MGAT4D: variants seen among roughly 807,000 people sequenced by gnomAD.
MGAT4D encodes the protein MGAT4 family member D, also known as alpha-1,3-mannosyl-glycoprotein 4-beta-N-acetylglucosaminyltransferase-like protein MGAT4D.
In MGAT4D, 34 loss-of-function variants were observed where a neutral mutation model predicts 15.9. The ratio of observed to expected loss-of-function variants is 2.14; its 90% CI spans 1.62 to 2.84. MGAT4D has a LOEUF of 2.84. MGAT4D is among the 30% of genes most tolerant of loss of function. The pLI is 0.00. For missense variants in MGAT4D, 327 were observed against 140.2 expected, an observed-to-expected ratio of 2.33 and a Z score of -6.73; for synonymous variants, 112 against 48.2, an observed-to-expected ratio of 2.33 and a Z score of -5.49.
chr4:140,492,521 AG>A (rs1354364360), intron 1 of MGAT4D, among the ~76,000 whole-genome samples: 1 of 152,016 alleles, frequency 6.6e-6, no homozygotes. Flanking sequence ...CCAGCTACTC[AG>A]GAGGCTGAGG....
At chr4:140,478,394 T>C (rs1732479287) in intron 3 of MGAT4D, among the ~76,000 whole-genome samples, 1 of 152,194 alleles carries the variant, frequency 6.6e-6, no homozygotes, top group South Asian at 2.1e-4. Context: ...CTATGCATTG[T>C]TTTTCTTGCG....
intron 8 of MGAT4D, chr4:140,457,644 T>A (rs1017312633): frequency 2.0e-5 from 3 of 152,168 alleles, no homozygotes; most frequent in African/African-American, 7.2e-5. Flanking sequence ...CTTTTGTAAG[T>A]TAAAACTTGA....
chr4:140,446,743 GTTTTTTTTTTTTTTTTTTTT>G (rs149442061), intron 10 of MGAT4D, among the ~76,000 whole-genome samples: 6 of 8,150 alleles, frequency 7.4e-4, no homozygotes, highest in Non-Finnish European at 9.0e-4. Context: ...TGCTTCTCTA[GTTTTTTTTTTTTTTTTTTTT>G]TTTTTTTTTT....
At chr4:140,457,337 T>C (rs1412250439) in intron 8 of MGAT4D, 1 of 152,130 alleles carries the variant, frequency 6.6e-6, no homozygotes, top group Admixed American at 6.6e-5. Flanking sequence ...TCAAAGTAAA[T>C]AATGTAAAAT....
At chr4:140,460,231 T>C (rs1480157370) in intron 7 of MGAT4D, among the ~76,000 whole-genome samples, 1 of 152,244 alleles carries the variant, frequency 6.6e-6, no homozygotes, top group African/African-American at 2.4e-5. Flanking sequence ...TCTTAGTCCA[T>C]TTGAGCTGTT....
rs1388889623 is a variant in MGAT4D, at chr4:140,456,707, C to T, written c.890G>A (p.Arg297Lys). The T allele has an allele frequency of 1.5e-6, 1 of 679,092 alleles. No individual in the cohort carries two copies. Among genetic ancestry groups the T allele is most frequent in the South Asian group, 1.6e-5 (1 of 62,246 alleles). 42.1% of individuals were successfully genotyped at this position (679,092 alleles called of 1,614,324 possible). The change falls in exon 9 of 11, where the codon AGA becomes AAA. Residue 297 changes from arginine to lysine, a missense_variant. Physicochemically the swap from Arg to Lys is conservative, Grantham distance 26. Coordinates refer to ENST00000511113, the MANE Select transcript of MGAT4D (RefSeq NM_001277353.2). ...SMLGFIGKLF[R>K]SEDLTHFVRF... is the part of the protein sequence containing the mutation. ...TACAAAGTGAGTTAAGTCCTCAGATCTAAACAGCTTTCCTATGGAAAAAAA... is the reference window on the plus strand; with the variant it reads ...TACAAAGTGAGTTAAGTCCTCAGATTTAAACAGCTTTCCTATGGAAAAAAA...
chr4:140,472,207 C>T (rs535589022), intron 4 of MGAT4D, among the ~76,000 whole-genome samples: 1 of 152,058 alleles, frequency 6.6e-6, no homozygotes, highest in Non-Finnish European at 1.5e-5. Flanking sequence ...CTCTTCATTT[C>T]CTGAGTATTA....
In MGAT4D at chr4:140,479,615, G is replaced by A; in HGVS notation, c.266C>T (p.Ala89Val). Reference protein sequence around the residue: ...ILSGNLVAQKADILNKNETVS... With the variant: ...ILSGNLVAQKVDILNKNETVS... The stretch of plus-strand genomic sequence containing the variant: ...TGTTTCATTTTTATTTAATATGTCT[G>A]CTTTCTGTGCAACTGAAAGAAAAAA... The change falls in exon 3 of 11, where the codon GCA becomes GTA. Residue 89 changes from alanine (A) to valine (V), a missense_variant. Ala to Val is a moderately conservative substitution (Grantham distance 64). Transcript: ENST00000511113. 1 of 474,754 alleles carries A rather than the reference G, an allele frequency of 2.1e-6. No homozygotes were observed. The highest frequency in any genetic ancestry group is 3.7e-6 in the Non-Finnish European group (1 of 269,712). 29.4% of individuals were successfully genotyped at this position (474,754 alleles called of 1,614,324 possible).
intron 5 of MGAT4D, among the ~76,000 whole-genome samples, chr4:140,471,268 T>TTCCC (rs1731936487): frequency 7.4e-6 from 1 of 134,320 alleles, no homozygotes; most frequent in South Asian, 2.3e-4. Flanking sequence ...CCTTCCTTCC[T>TTCCC]TCCTTCCTTC....
chr4:140,473,167 C>T (rs368062809), intron 4 of MGAT4D, among the ~76,000 whole-genome samples: 1 of 151,412 alleles, frequency 6.6e-6, no homozygotes, highest in African/African-American at 2.4e-5. Context: ...TCCTTCTTTC[C>T]TTCATTCCTA....
chr4:140,471,443 A>T (rs1156269690), intron 5 of MGAT4D, among the ~76,000 whole-genome samples: 1 of 152,192 alleles, frequency 6.6e-6, no homozygotes, highest in Non-Finnish European at 1.5e-5. Context: ...GGAGATTATA[A>T]GCAGAAGTGG....
chr4:140,493,287 C>CA (rs2126879363), intron 1 of MGAT4D, among the ~76,000 whole-genome samples: 1 of 112,478 alleles, frequency 8.9e-6, no homozygotes, highest in African/African-American at 3.3e-5. Flanking sequence ...TGTTCCTTTA[C>CA]TTTTTTTTTT....
At chr4:140,456,131 C>CAATA (rs1237671210) in intron 9 of MGAT4D, among the ~76,000 whole-genome samples, 1 of 152,058 alleles carries the variant, frequency 6.6e-6, no homozygotes, top group African/African-American at 2.4e-5. Flanking sequence ...GAATGAGTCT[C>CAATA]AATAAATAAA....
Position 140,498,142 on chromosome 4 carries a change from C to T in MGAT4D, c.81G>A (p.Arg27=). The T allele has an allele frequency of 1.4e-6, 1 of 702,518 alleles. No individual in the cohort carries two copies. Among genetic ancestry groups the T allele is most frequent in the South Asian group, 1.5e-5 (1 of 67,570 alleles). 43.5% of individuals were successfully genotyped at this position (702,518 alleles called of 1,614,324 possible). ...LFSFSCFSIY[R]ITQTNNQLIN... ...CCCGCCGCTTACTGGTTTGAGTTAT[C>T]CTGTAGATGGAGAAGCAAGAGAAGC... Residue 27 remains arginine (R), a synonymous_variant, in exon 1 of 11, where the codon AGG becomes AGA. Transcript: ENST00000511113.
intron 3 of MGAT4D, 50 bp downstream of exon 3, chr4:140,479,440 C>G: frequency 2.4e-6 from 1 of 415,370 alleles, no homozygotes; most frequent in Non-Finnish European, 4.3e-6. Context: ...AAGTATGTCC[C>G]CAAAGATCAA....
chr4:140,448,822 G>A (rs1214945717), intron 10 of MGAT4D, among the ~76,000 whole-genome samples: 1 of 152,156 alleles, frequency 6.6e-6, no homozygotes, highest in Non-Finnish European at 1.5e-5. Flanking sequence ...TTTCTTCTCT[G>A]AGTGTGGGTA....
At position 140,464,938 on chromosome 4, in the gene MGAT4D, A is replaced by T. The variant is rs1348517727; in HGVS notation, c.644T>A (p.Leu215Ter). The change falls in exon 6 of 11, where the codon TTA (leucine) becomes TAA (stop). Residue 215 changes from leucine (L) to a stop codon, truncating the protein, a stop_gained. Coordinates refer to ENST00000511113, the MANE Select transcript of MGAT4D (RefSeq NM_001277353.2). LOFTEE classifies it high-confidence loss of function. ...SIPAFLYSSM[L>*]NAKHLAEASQ... ...GGCCTCAGCTAAGTGCTTGGCATTT[A>T]ACATGCTTGAGTATAAAAAGGCAGG... is the stretch of plus-strand genomic sequence containing the variant. 1 of 702,792 alleles carries T rather than the reference A, an allele frequency of 1.4e-6. No individual in the cohort carries two copies. The highest frequency in any genetic ancestry group is 1.7e-5 in the African/African-American group (1 of 57,260). The allele number at this position is 702,792 out of a possible 1,614,324, so 43.5% of individuals were successfully genotyped here. A position where few individuals can be genotyped will look rare whatever the true frequency, so the allele number is the denominator to read the frequency against.
At chr4:140,456,860 C>T (rs1451884701) in intron 8 of MGAT4D, 141 bp from the exon 9 acceptor site, 1 of 455,012 alleles carries the variant, frequency 2.2e-6, no homozygotes, top group African/African-American at 2.0e-5. Context: ...TGAAGTTAGA[C>T]AATGATAAAA....
intron 10 of MGAT4D, among the ~76,000 whole-genome samples, chr4:140,447,758 G>A (rs1294096686): frequency 3.9e-5 from 6 of 152,006 alleles, no homozygotes; most frequent in African/African-American, 1.4e-4. Context: ...GTTGTTAGCT[G>A]GTTATTATGC....
Sources: gnomAD v4.1 joint callset for allele counts (sites outside exome capture counted in the v4.1 genomes callset) on GRCh38, gnomAD v4.1.1 for gene constraint, MANE v1.5 for transcripts, NCBI Gene and HGNC (gene_info 2026-07-23, HGNC 2026-07-21) for gene names.